Variants in JAM3 observed in about 807,000 individuals in gnomAD.
JAM3 encodes the protein junctional adhesion molecule C.
A neutral mutation model predicts 39.4 loss-of-function variants in JAM3; 31 were observed. The ratio of observed to expected loss-of-function variants is 0.79; its 90% CI spans 0.59 to 1.06. The LOEUF (loss-of-function observed/expected upper bound fraction) is 1.06, where lower values mean the gene tolerates loss of function less well. JAM3 is among the 50% of genes least tolerant of loss of function. The pLI, the probability that JAM3 is intolerant of heterozygous loss-of-function variation, is 0.00. For synonymous variants in JAM3, 182 were observed against 148.7 expected (o/e 1.22, Z -1.63); for missense variants, 455 against 391.4 (o/e 1.16, Z -1.37).
intron 1 of JAM3, among the ~76,000 whole-genome samples, chr11:134,116,385 G>A (rs1942434088): frequency 6.6e-6 from 1 of 151,878 alleles, no homozygotes; most frequent in East Asian, 1.9e-4. Context: ...AGAAAATTTG[G>A]CCTCTGTCTC....
chr11:134,106,799 T>G (rs1447951430), intron 1 of JAM3, among the ~76,000 whole-genome samples: 1 of 152,136 alleles, frequency 6.6e-6, no homozygotes, highest in Non-Finnish European at 1.5e-5. Flanking sequence ...CTCACACCAG[T>G]TAGAATTGCG....
chr11:134,100,044 T>C lies in JAM3; in HGVS notation c.76+30885T>C, dbSNP rs561771546. On this transcript the variant is annotated intron_variant, in intron 1 of 8. Transcript: ENST00000299106. ...CTGACTTTAATGTTAGACCTCTCCTTTGATGAAAGTTAAATCTCATGACAT... is the reference window on the plus strand; with the variant it reads ...CTGACTTTAATGTTAGACCTCTCCTCTGATGAAAGTTAAATCTCATGACAT... Among the ~76,000 whole-genome samples, 37 of 152,348 alleles carry C rather than the reference T, an allele frequency of 2.4e-4. 1 individual carries two copies. Among genetic ancestry groups the C allele is most frequent in the African/African-American group, 8.7e-4 (36 of 41,586 alleles).
chr11:134,120,115 C>A (rs1378396532), intron 1 of JAM3, among the ~76,000 whole-genome samples: 1 of 150,346 alleles, frequency 6.7e-6, no homozygotes, highest in African/African-American at 2.5e-5. Flanking sequence ...TGCAAAGATG[C>A]TATTTTATGG....
chr11:134,110,071 G>T (rs763890002), intron 1 of JAM3, among the ~76,000 whole-genome samples: 4 of 152,100 alleles, frequency 2.6e-5, no homozygotes, highest in African/African-American at 7.2e-5. Flanking sequence ...AACCTAATTT[G>T]CATCATTTAA....
At chr11:134,104,876 C>CA (rs528033046) in intron 1 of JAM3, among the ~76,000 whole-genome samples, 88 of 151,560 alleles carry the variant, frequency 5.8e-4, no homozygotes, top group African/African-American at 1.8e-3. Context: ...GCCTACCAAC[C>CA]AAAAAAAAGC....
Position 134,149,902 on chromosome 11 carries a change from T to G in JAM3, c.*721T>G, listed in dbSNP as rs1428244904. ...GTACTGAAATATGCTTTTCTATGGG[T>G]CTTGTTTATTTTATAAAATTTTACA... is the stretch of plus-strand genomic sequence containing the variant. On this transcript the variant is annotated 3_prime_UTR_variant, in exon 9 of 9. Transcript: ENST00000299106. 4 of 184,830 alleles carry G rather than the reference T, an allele frequency of 2.2e-5. No homozygotes were observed. Among genetic ancestry groups the G allele is most frequent in the Non-Finnish European group, 4.6e-5 (4 of 87,240 alleles). The allele number at this position is 184,830 out of a possible 1,614,324, so 11.4% of individuals were successfully genotyped here.
intron 2 of JAM3, 121 bp downstream of exon 2, chr11:134,140,037 G>C: frequency 1.3e-6 from 1 of 792,028 alleles, no homozygotes; most frequent in East Asian, 2.6e-5. Flanking sequence ...CGGGTGGACT[G>C]CTCTGCGGTG....
At chr11:134,113,411 C>T (rs1942357225) in intron 1 of JAM3, among the ~76,000 whole-genome samples, 1 of 152,128 alleles carries the variant, frequency 6.6e-6, no homozygotes, top group African/African-American at 2.4e-5. Flanking sequence ...TCTCATTGTT[C>T]AATTCCCACC....
intron 1 of JAM3, among the ~76,000 whole-genome samples, chr11:134,073,406 A>G (rs1941513645): frequency 6.6e-6 from 1 of 152,166 alleles, no homozygotes; most frequent in South Asian, 2.1e-4. Flanking sequence ...ATTATCTTTC[A>G]TTTGCAGTTT....
chr11:134,139,755 C>T, intron 1 of JAM3, 96 bp from the exon 2 acceptor site: 2 of 921,190 alleles, frequency 2.2e-6, no homozygotes, highest in Non-Finnish European at 3.6e-6. Context: ...GGTTAGTAAC[C>T]ATAGCCTACG....
At chr11:134,118,045 T>C (rs1323189090) in intron 1 of JAM3, among the ~76,000 whole-genome samples, 1 of 152,202 alleles carries the variant, frequency 6.6e-6, no homozygotes, top group East Asian at 1.9e-4. Context: ...GCAAATAGTG[T>C]TTATGGGACT....
chr11:134,110,075 C>T (rs1467157290), intron 1 of JAM3, among the ~76,000 whole-genome samples: 1 of 152,164 alleles, frequency 6.6e-6, no homozygotes, highest in Non-Finnish European at 1.5e-5. Flanking sequence ...TAATTTGCAT[C>T]ATTTAATTTG....
chr11:134,104,892 G>A (rs1045866952), intron 1 of JAM3, among the ~76,000 whole-genome samples: 3 of 151,998 alleles, frequency 2.0e-5, no homozygotes, highest in African/African-American at 7.2e-5. Flanking sequence ...AAAGCCCAGG[G>A]CCAGATGGAT....
intron 1 of JAM3, among the ~76,000 whole-genome samples, chr11:134,127,050 C>T (rs1392211028): frequency 6.6e-6 from 1 of 152,170 alleles, no homozygotes; most frequent in African/African-American, 2.4e-5. Flanking sequence ...GTCAAGCATG[C>T]ACACAATAAA....
intron 3 of JAM3, among the ~76,000 whole-genome samples, chr11:134,142,089 C>A (rs1003451862): frequency 2.6e-5 from 4 of 152,074 alleles, no homozygotes; most frequent in African/African-American, 7.2e-5. Flanking sequence ...CTCAGGCTGA[C>A]CCTGCTAAAC....
intron 1 of JAM3, among the ~76,000 whole-genome samples, chr11:134,102,933 ACT>A (rs1942103847): frequency 1.3e-5 from 2 of 152,172 alleles, no homozygotes; most frequent in African/African-American, 4.8e-5. Flanking sequence ...GTTGGAAAAC[ACT>A]CTGCAGGATA....
At chr11:134,148,911 CTGAG>C in intron 8 of JAM3, 93 bp downstream of exon 8, 3 of 1,331,944 alleles carry the variant, frequency 2.3e-6, no homozygotes, top group African/African-American at 1.5e-5. Context: ...GGGAAGATTT[CTGAG>C]TGATTGTGCA....
chr11:134,114,969 G>GT (rs1942395079), intron 1 of JAM3, among the ~76,000 whole-genome samples: 1 of 152,116 alleles, frequency 6.6e-6, no homozygotes, highest in Non-Finnish European at 1.5e-5. Flanking sequence ...CTATGGATTT[G>GT]TTTATTTCTC....
intron 1 of JAM3, among the ~76,000 whole-genome samples, chr11:134,090,814 T>C (rs542661648): frequency 4.3e-4 from 65 of 152,294 alleles, no homozygotes; most frequent in Admixed American, 1.2e-3. Context: ...ATTGAAATAT[T>C]TGAACTCAGG....
Sources: allele counts gnomAD v4.1 joint callset (sites outside exome capture counted in the v4.1 genomes callset), GRCh38; gene constraint gnomAD v4.1.1; transcripts MANE v1.5; gene names NCBI Gene and HGNC (gene_info 2026-07-23, HGNC 2026-07-21).